Variants in CNTN1 observed in about 807,000 individuals in gnomAD.
CNTN1 encodes the protein contactin 1.
Under a neutral mutation model 126.4 loss-of-function variants are expected in CNTN1, and 38 were observed. The ratio of observed to expected loss-of-function variants is 0.30; its 90% CI spans 0.23 to 0.39. The LOEUF (loss-of-function observed/expected upper bound fraction) is 0.39, where lower values mean the gene tolerates loss of function less well. Among genes scored for constraint, CNTN1 ranks in the 10% least tolerant of loss-of-function variants. The pLI, the probability that CNTN1 is intolerant of heterozygous loss-of-function variation, is 1.00. For missense variants in CNTN1, 1,009 were observed against 1,248.4 expected (o/e 0.81, Z 2.89); for synonymous variants, 413 against 422.6 (o/e 0.98, Z 0.28).
intron 14 of CNTN1, among the ~76,000 whole-genome samples, chr12:40,957,623 A>ATAAATAAATAAC (rs1379214106): frequency 2.7e-5 from 4 of 150,750 alleles, no homozygotes; most frequent in Admixed American, 1.3e-4. Flanking sequence ...AAATAAATAA[A>ATAAATAAATAAC]TAACAGACCA....
At chr12:40,844,710 T>C (rs145829462) in intron 1 of CNTN1, among the ~76,000 whole-genome samples, 166 of 152,322 alleles carry the variant, frequency 1.1e-3, no homozygotes, top group African/African-American at 3.8e-3. Context: ...TCTTGCTGTC[T>C]AAGGACCTAC....
In CNTN1 at chr12:40,748,751, G is replaced by T. The variant is rs139847801; in HGVS notation, c.-77+56159G>T. On this transcript the variant is annotated intron_variant, in intron 1 of 23. Transcript: ENST00000551295. ...GTTTTGTTAAATCTATTTGCTTACTGATTTAATTAATGATTTGTCTATGAC... is the reference window on the plus strand; with the variant it reads ...GTTTTGTTAAATCTATTTGCTTACTTATTTAATTAATGATTTGTCTATGAC... Among the ~76,000 whole-genome samples the T allele has an allele frequency of 4.0e-4, 61 of 152,076 alleles. No individual in the cohort carries two copies. The East Asian group carries it at 0.011, about 28-fold the overall frequency.
chr12:40,730,722 T>C (rs1174016111), intron 1 of CNTN1, among the ~76,000 whole-genome samples: 1 of 152,212 alleles, frequency 6.6e-6, no homozygotes, highest in Non-Finnish European at 1.5e-5. Flanking sequence ...ATCATAGTTG[T>C]AAGAGAATAT....
At chr12:40,915,189 T>G (rs974210716) in intron 3 of CNTN1, among the ~76,000 whole-genome samples, 6 of 152,158 alleles carry the variant, frequency 3.9e-5, no homozygotes, top group African/African-American at 1.4e-4. Flanking sequence ...TATGAAAATC[T>G]ACTAATCTTT....
chr12:40,737,395 T>C (rs1264519339), intron 1 of CNTN1, among the ~76,000 whole-genome samples: 1 of 125,384 alleles, frequency 8.0e-6, no homozygotes, highest in Non-Finnish European at 1.7e-5. Context: ...GTTTATTAAG[T>C]ATTAATTTAC....
intron 6 of CNTN1, among the ~76,000 whole-genome samples, chr12:40,926,342 T>C (rs556268488): frequency 1.3e-5 from 2 of 151,840 alleles, no homozygotes; most frequent in Admixed American, 1.3e-4. Flanking sequence ...ACAATATGAG[T>C]ATCCGAGAGA....
chr12:40,733,989 T>TCCTTCTG (rs1359491499), intron 1 of CNTN1, among the ~76,000 whole-genome samples: 1 of 152,232 alleles, frequency 6.6e-6, no homozygotes, highest in East Asian at 1.9e-4. Flanking sequence ...CCTGCAACTC[T>TCCTTCTG]CCTTCTGACA....
At chr12:40,723,782 C>T (rs902382191) in intron 1 of CNTN1, among the ~76,000 whole-genome samples, 3 of 152,122 alleles carry the variant, frequency 2.0e-5, no homozygotes, top group Non-Finnish European at 4.4e-5. Flanking sequence ...TGAAGTCATA[C>T]TAGTTTGAAG....
rs1322420771 is a variant in CNTN1 at position 40,929,950 on chromosome 12, T to C, written c.651T>C (p.Ser217=). The C allele has an allele frequency of 5.6e-6, 9 of 1,612,910 alleles. No individual in the cohort carries two copies. Among genetic ancestry groups the C allele is most frequent in the Non-Finnish European group, 7.6e-6 (9 of 1,179,108 alleles). ...ATTCCTGCTTTGTTTCCAGTCCTTCTATTACAAAGAGCGTGTTCAGCAAAT... is the reference window on the plus strand; with the variant it reads ...ATTCCTGCTTTGTTTCCAGTCCTTCCATTACAAAGAGCGTGTTCAGCAAAT... The part of the protein sequence containing the change: ...GNYSCFVSSP[S]ITKSVFSKFI... Residue 217 remains serine (S), a synonymous_variant, in exon 7 of 24, where the codon TCT becomes TCC. Transcript: ENST00000551295.
chr12:40,713,041 G>A (rs897587436), intron 1 of CNTN1, among the ~76,000 whole-genome samples: 1 of 152,110 alleles, frequency 6.6e-6, no homozygotes, highest in African/African-American at 2.4e-5. Context: ...CAGAGGCTGT[G>A]TAATGTATAA....
At chr12:41,031,572 G>T (rs1387588763) in intron 23 of CNTN1, among the ~76,000 whole-genome samples, 2 of 152,010 alleles carry the variant, frequency 1.3e-5, no homozygotes, top group Admixed American at 6.6e-5. Flanking sequence ...GGATTTCAGG[G>T]GTTGTATCGG....
intron 1 of CNTN1, among the ~76,000 whole-genome samples, chr12:40,854,937 G>A (rs1420692720): frequency 6.6e-6 from 1 of 152,060 alleles, no homozygotes; most frequent in African/African-American, 2.4e-5. Context: ...GGAGGGTGCT[G>A]GTATAGGGGA....
chr12:40,874,364 C>G (rs559846280), intron 1 of CNTN1, among the ~76,000 whole-genome samples: 6 of 151,886 alleles, frequency 4.0e-5, no homozygotes, highest in African/African-American at 1.2e-4. Context: ...AAAGTCACAA[C>G]GAAATTTAAA....
intron 1 of CNTN1, among the ~76,000 whole-genome samples, chr12:40,883,462 G>C (rs1202314528): frequency 1.3e-5 from 2 of 151,486 alleles, no homozygotes; most frequent in Non-Finnish European, 3.0e-5. Context: ...TTTTTGAATT[G>C]ATATTCCTTT....
intron 1 of CNTN1, among the ~76,000 whole-genome samples, chr12:40,734,744 C>A (rs1204280925): frequency 6.6e-6 from 1 of 151,930 alleles, no homozygotes; most frequent in Non-Finnish European, 1.5e-5. Flanking sequence ...GTCAAGTATG[C>A]AAATTAATAT....
intron 1 of CNTN1, among the ~76,000 whole-genome samples, chr12:40,780,148 C>T (rs1592078767): frequency 6.6e-6 from 1 of 151,922 alleles, no homozygotes; most frequent in East Asian, 1.9e-4. Context: ...CTGATCAGTA[C>T]AGGTATATGG....
intron 1 of CNTN1, among the ~76,000 whole-genome samples, chr12:40,823,569 G>A (rs1941515916): frequency 6.6e-6 from 1 of 152,104 alleles, no homozygotes; most frequent in South Asian, 2.1e-4. Flanking sequence ...ATATGCAATT[G>A]TATATGTGTA....
At chr12:41,023,497 A>G (rs1467765335) in intron 20 of CNTN1, among the ~76,000 whole-genome samples, 1 of 152,220 alleles carries the variant, frequency 6.6e-6, no homozygotes. Context: ...TATCAAGGGC[A>G]TTTTGGAACT....
At chr12:40,714,346 C>T (rs10735957) in intron 1 of CNTN1, among the ~76,000 whole-genome samples, 1 of 151,738 alleles carries the variant, frequency 6.6e-6, no homozygotes, top group Non-Finnish European at 1.5e-5. Flanking sequence ...ACAAATGATC[C>T]CATATTACTG....
Sources: gnomAD v4.1 joint callset for allele counts (sites outside exome capture counted in the v4.1 genomes callset) on GRCh38, gnomAD v4.1.1 for gene constraint, MANE v1.5 for transcripts, NCBI Gene and HGNC (gene_info 2026-07-23, HGNC 2026-07-21) for gene names.